Variants in THADA observed in about 807,000 individuals in gnomAD.
THADA encodes THADA armadillo repeat containing, also known as tRNA (32-2'-O)-methyltransferase regulator THADA.
A neutral mutation model predicts 219.8 loss-of-function variants in THADA; 213 were observed. The observed-to-expected ratio is 0.97, with a 90% confidence interval of 0.87 to 1.09. THADA has a LOEUF of 1.09. Ranked by LOEUF, THADA falls within the 50% of genes least tolerant of loss-of-function variation. The probability of loss-of-function intolerance (pLI) is 0.00; values close to 1 mark genes in which losing one functional copy is unlikely to be tolerated. For missense variants in THADA, 2,956 were observed against 2,311.3 expected (o/e 1.28, Z -5.72); for synonymous variants, 1,018 against 828.9 (o/e 1.23, Z -3.92).
At chr2:43,535,820 T>C (rs78572881) in intron 21 of THADA, among the ~76,000 whole-genome samples, 6,750 of 152,138 alleles carry the variant, frequency 0.044, 195 homozygotes, top group Non-Finnish European at 0.071. Flanking sequence ...AATTTCTGTT[T>C]TTTGTTTTTG....
chr2:43,396,688 G>C (rs1674081500), intron 29 of THADA, among the ~76,000 whole-genome samples: 1 of 151,864 alleles, frequency 6.6e-6, no homozygotes, highest in African/African-American at 2.4e-5. Context: ...CAGGCTGCTT[G>C]TAATCCCAGC....
At chr2:43,485,379 A>G in intron 25 of THADA, 54 bp from the exon 26 acceptor site, 2 of 1,279,824 alleles carry the variant, frequency 1.6e-6, no homozygotes, top group Middle Eastern at 3.8e-4. Context: ...CATGAAACCA[A>G]CGTTTACAAT....
chr2:43,547,598 C>T (rs956851479), intron 20 of THADA, among the ~76,000 whole-genome samples: 3 of 152,190 alleles, frequency 2.0e-5, no homozygotes, highest in South Asian at 2.1e-4. Context: ...CCTCCCTTCT[C>T]GCTTCATTTC....
chr2:43,323,044 A>G (rs1290335298), intron 30 of THADA, among the ~76,000 whole-genome samples: 1 of 152,070 alleles, frequency 6.6e-6, no homozygotes, highest in Non-Finnish European at 1.5e-5. Flanking sequence ...ATGGCTTACT[A>G]TATACTCGGT....
intron 29 of THADA, among the ~76,000 whole-genome samples, chr2:43,390,307 G>A (rs1477651756): frequency 1.3e-5 from 2 of 152,114 alleles, no homozygotes; most frequent in Non-Finnish European, 2.9e-5. Flanking sequence ...CATCCTTCCT[G>A]GCCTTGTTTA....
chr2:43,481,709 C>T (rs907306400), intron 26 of THADA, among the ~76,000 whole-genome samples: 5 of 152,142 alleles, frequency 3.3e-5, no homozygotes, highest in African/African-American at 9.7e-5. Context: ...GTTTTATATT[C>T]TTCATGTACT....
chr2:43,332,386 A>T (rs986684061), intron 30 of THADA, among the ~76,000 whole-genome samples: 7 of 152,198 alleles, frequency 4.6e-5, no homozygotes, highest in Non-Finnish European at 7.3e-5. Context: ...CACTTTGACT[A>T]ATTCTAGCAT....
At chr2:43,354,866 G>C (rs2104570307) in intron 29 of THADA, among the ~76,000 whole-genome samples, 1 of 152,290 alleles carries the variant, frequency 6.6e-6, no homozygotes, top group Non-Finnish European at 1.5e-5. Flanking sequence ...TTATCCTCAT[G>C]CTGTTCTCAT....
At chr2:43,335,964 G>A (rs1666368030) in intron 30 of THADA, among the ~76,000 whole-genome samples, 1 of 151,960 alleles carries the variant, frequency 6.6e-6, no homozygotes, top group Non-Finnish European at 1.5e-5. Context: ...GGGTGTGGTG[G>A]CGGGCGCCTG....
At chr2:43,436,034 T>C (rs1235883269) in intron 26 of THADA, among the ~76,000 whole-genome samples, 1 of 152,078 alleles carries the variant, frequency 6.6e-6, no homozygotes, top group Non-Finnish European at 1.5e-5. Flanking sequence ...ATTAACCTAG[T>C]TCTAAATCAT....
chr2:43,280,559 G>A (rs972128627), intron 35 of THADA, among the ~76,000 whole-genome samples: 1 of 152,168 alleles, frequency 6.6e-6, no homozygotes, highest in Non-Finnish European at 1.5e-5. Flanking sequence ...TTGAACCTGA[G>A]AGGCAGAGGT....
At chr2:43,363,771 C>G (rs575777251) in intron 29 of THADA, among the ~76,000 whole-genome samples, 4 of 152,244 alleles carry the variant, frequency 2.6e-5, no homozygotes, top group African/African-American at 9.6e-5. Context: ...AGAAAGCAGT[C>G]TCCAAACACG....
intron 21 of THADA, among the ~76,000 whole-genome samples, chr2:43,534,098 T>C (rs1245534010): frequency 6.6e-6 from 1 of 152,156 alleles, no homozygotes; most frequent in East Asian, 1.9e-4. Flanking sequence ...AAGATGGATT[T>C]ACAATAACAT....
intron 26 of THADA, among the ~76,000 whole-genome samples, chr2:43,432,048 G>A (rs1192012120): frequency 8.1e-6 from 1 of 123,250 alleles, no homozygotes; most frequent in Non-Finnish European, 1.7e-5. Flanking sequence ...AGTAGAGACG[G>A]GGTTTCACCG....
chr2:43,338,199 C>T (rs2104519390), intron 30 of THADA, among the ~76,000 whole-genome samples: 1 of 150,576 alleles, frequency 6.6e-6, no homozygotes, highest in Middle Eastern at 3.4e-3. Context: ...CTCTGTTGCC[C>T]AGGCTGGAGT....
intron 29 of THADA, among the ~76,000 whole-genome samples, chr2:43,365,384 AAT>A (rs1436604147): frequency 6.6e-6 from 1 of 152,012 alleles, no homozygotes; most frequent in Non-Finnish European, 1.5e-5. Flanking sequence ...CAGCGTGGCC[AAT>A]AGAGTGAAAC....
At chr2:43,520,417 G>A (rs1047977665) in intron 22 of THADA, among the ~76,000 whole-genome samples, 1 of 152,160 alleles carries the variant, frequency 6.6e-6, no homozygotes, top group South Asian at 2.1e-4. Context: ...GCCAGGCGCG[G>A]TGGCTCATGC....
chr2:43,548,765 G>A (rs1044438382), intron 20 of THADA, among the ~76,000 whole-genome samples: 11 of 152,198 alleles, frequency 7.2e-5, no homozygotes, highest in East Asian at 1.9e-4. Flanking sequence ...TCCAGGTACC[G>A]TCTGTCACCC....
At chr2:43,377,784 C>T (rs762099372) in intron 29 of THADA, among the ~76,000 whole-genome samples, 9 of 152,072 alleles carry the variant, frequency 5.9e-5, no homozygotes, top group Non-Finnish European at 1.3e-4. Context: ...CACAAAACTA[C>T]CAGAGACAAC....
Sources: allele counts gnomAD v4.1 joint callset (sites outside exome capture counted in the v4.1 genomes callset), GRCh38; gene constraint gnomAD v4.1.1; transcripts MANE v1.5; gene names NCBI Gene and HGNC (gene_info 2026-07-23, HGNC 2026-07-21).